PRKN: variants seen among roughly 807,000 people sequenced by gnomAD.
The protein encoded by PRKN is E3 ubiquitin-protein ligase parkin.
Under a neutral mutation model 59.5 loss-of-function variants are expected in PRKN, and 56 were observed. The ratio of observed to expected loss-of-function variants is 0.94; its 90% CI spans 0.76 to 1.18. The LOEUF (loss-of-function observed/expected upper bound fraction) is 1.18. PRKN is among the 50% of genes most tolerant of loss of function. The pLI is 0.00. For missense variants in PRKN, 657 were observed against 596.4 expected, an observed-to-expected ratio of 1.10 and a Z score of -1.06; for synonymous variants, 250 against 222.1, an observed-to-expected ratio of 1.13 and a Z score of -1.12.
rs948212452 is a variant in PRKN at position 161,538,997 on chromosome 6, T to G, written c.1083+9857A>C. Reference sequence around the variant, plus strand: ...GTGTGAAGAGTGAGGGCGTGCTGCTTCTTCATCATGCCATGAGGCTAACAT... The same window carrying G: ...GTGTGAAGAGTGAGGGCGTGCTGCTGCTTCATCATGCCATGAGGCTAACAT... On this transcript the variant is annotated intron_variant, in intron 9 of 11. Transcript: ENST00000366898. This position sits in a 1 kb window ranked among gnomAD's most constrained non-coding sequence, Gnocchi z 4.2. 6.6e-6 allele frequency among the ~76,000 whole-genome samples: 1 copy of G among 152,178 alleles called. No homozygotes were observed. Among genetic ancestry groups the G allele is most frequent in the Non-Finnish European group, 1.5e-5 (1 of 68,038 alleles).
At chr6:161,775,449 C>T (rs1789883018) in intron 7 of PRKN, among the ~76,000 whole-genome samples, 1 of 152,108 alleles carries the variant, frequency 6.6e-6, no homozygotes, top group African/African-American at 2.4e-5. Context: ...CCCTGTGTTG[C>T]ACCAGGCTAG....
chr6:161,571,956 C>T (rs561886304), intron 7 of PRKN, among the ~76,000 whole-genome samples: 2 of 152,324 alleles, frequency 1.3e-5, no homozygotes, highest in South Asian at 2.1e-4. Context: ...AAGACATACA[C>T]GACTCCCAAA....
intron 6 of PRKN, among the ~76,000 whole-genome samples, chr6:161,847,193 A>G (rs1330359061): frequency 6.6e-6 from 1 of 152,148 alleles, no homozygotes; most frequent in Non-Finnish European, 1.5e-5. Context: ...CTGTAGTCCC[A>G]GCTACTTGGG....
chr6:161,568,340 T>A (rs1042460662), intron 8 of PRKN, among the ~76,000 whole-genome samples: 1 of 152,198 alleles, frequency 6.6e-6, no homozygotes, highest in Non-Finnish European at 1.5e-5. Flanking sequence ...ACGCCTGTAA[T>A]CCCAGCACTT....
chr6:161,389,681 A>T (rs1461778923), intron 9 of PRKN, among the ~76,000 whole-genome samples: 1 of 152,212 alleles, frequency 6.6e-6, no homozygotes, highest in Non-Finnish European at 1.5e-5. Flanking sequence ...TTGTTGGAAA[A>T]ATGTGGACGG....
intron 7 of PRKN, among the ~76,000 whole-genome samples, chr6:161,596,475 C>A (rs1781917299): frequency 6.6e-6 from 1 of 152,124 alleles, no homozygotes; most frequent in South Asian, 2.1e-4. Flanking sequence ...CTTTTTCTGA[C>A]ATTGTTTTCC....
intron 8 of PRKN, among the ~76,000 whole-genome samples, chr6:161,563,261 T>G (rs1395870221): frequency 6.6e-6 from 1 of 152,186 alleles, no homozygotes; most frequent in East Asian, 1.9e-4. Context: ...TTTACTATTT[T>G]ATCCAACACT....
At chr6:161,660,930 C>T (rs556791915) in intron 7 of PRKN, among the ~76,000 whole-genome samples, 2 of 152,122 alleles carry the variant, frequency 1.3e-5, no homozygotes, top group East Asian at 1.9e-4. Context: ...CCCAGTCTTC[C>T]GTGACTCAGG....
chr6:161,785,936 C>T, intron 6 of PRKN, 28 bp from the exon 7 acceptor site: 1 of 1,612,948 alleles, frequency 6.2e-7, no homozygotes, highest in Non-Finnish European at 8.5e-7. Flanking sequence ...GATGTTTCCT[C>T]TAGTACCTGT....
intron 7 of PRKN, among the ~76,000 whole-genome samples, chr6:161,747,445 GAGAA>G (rs1156296037): frequency 1.3e-5 from 2 of 151,386 alleles, no homozygotes; most frequent in Non-Finnish European, 2.9e-5. Flanking sequence ...ACAAATTGCA[GAGAA>G]AGAGAGAGAG....
chr6:161,445,264 T>C lies in PRKN; in HGVS notation c.1084-58387A>G, dbSNP rs6904671. On this transcript the variant is annotated intron_variant, in intron 9 of 11. Transcript: ENST00000366898. This position sits in a 1 kb window ranked among gnomAD's most constrained non-coding sequence, Gnocchi z 7.7. Reference sequence around the variant, plus strand: ...GGCTGCCTGACCACAAAGACAGGACTGTAAAACATAGACCGCATGTGACCT... The same window carrying C: ...GGCTGCCTGACCACAAAGACAGGACCGTAAAACATAGACCGCATGTGACCT... 0.31 allele frequency among the ~76,000 whole-genome samples: 47,192 copies of C among 151,976 alleles called. 7,799 individuals are homozygous for C. The highest frequency in any genetic ancestry group is 0.35 in the Non-Finnish European group (24,009 of 67,950).
intron 1 of PRKN, among the ~76,000 whole-genome samples, chr6:162,590,770 AAAAAACAAAAC>A (rs370495993): frequency 2.1e-4 from 32 of 152,308 alleles, no homozygotes; most frequent in African/African-American, 6.0e-4. Context: ...TGAATTGGTG[AAAAAACAAAAC>A]AAAAACAAAA....
intron 2 of PRKN, among the ~76,000 whole-genome samples, chr6:162,434,511 G>C (rs1562762009): frequency 6.6e-6 from 1 of 150,474 alleles, no homozygotes; most frequent in African/African-American, 2.4e-5. Context: ...CCTAATATTT[G>C]AAAAAAAAAG....
At chr6:161,835,039 C>T (rs1057122718) in intron 6 of PRKN, among the ~76,000 whole-genome samples, 3 of 152,164 alleles carry the variant, frequency 2.0e-5, no homozygotes, top group Non-Finnish European at 4.4e-5. Flanking sequence ...GTGGCCAAGT[C>T]GCTCTCCAGG....
Position 161,458,075 on chromosome 6 carries a change from A to G in PRKN, c.1084-71198T>C, listed in dbSNP as rs2115152576. On this transcript the variant is annotated intron_variant, in intron 9 of 11. Coordinates refer to ENST00000366898, the MANE Select transcript of PRKN (RefSeq NM_004562.3). The surrounding 1 kb of genome is among the most constrained non-coding windows in gnomAD (Gnocchi z 6.1). ...TCCTAGCTGTTATGGGAATACTTAT[A>G]AGAAGAAAAAGAGAAATACAGCTCT... Among the ~76,000 whole-genome samples, 1 of 152,320 alleles carries G rather than the reference A, an allele frequency of 6.6e-6. No individual in the cohort carries two copies. The highest frequency in any genetic ancestry group is 6.5e-5 in the Admixed American group (1 of 15,296).
intron 6 of PRKN, among the ~76,000 whole-genome samples, chr6:161,793,311 C>G (rs777220017): frequency 6.6e-6 from 1 of 152,152 alleles, no homozygotes; most frequent in Non-Finnish European, 1.5e-5. Context: ...AGCTCACTAA[C>G]TACCCCTTCT....
intron 1 of PRKN, among the ~76,000 whole-genome samples, chr6:162,592,505 C>G (rs532877832): frequency 6.6e-6 from 1 of 152,224 alleles, no homozygotes; most frequent in South Asian, 2.1e-4. Context: ...AGCATTGTGC[C>G]GATCAGTATT....
intron 6 of PRKN, among the ~76,000 whole-genome samples, chr6:161,865,432 C>T (rs1480533879): frequency 2.0e-5 from 3 of 152,158 alleles, no homozygotes; most frequent in African/African-American, 4.8e-5. Context: ...AGCCAGGAAT[C>T]GATTTTTTTT....
At chr6:162,463,181 C>G (rs62430736) in intron 1 of PRKN, among the ~76,000 whole-genome samples, 13,186 of 152,122 alleles carry the variant, frequency 0.087, 900 homozygotes, top group East Asian at 0.33. Flanking sequence ...TCATTTAACT[C>G]TCCTTGTAGT....
Sources: gnomAD v4.1 joint callset for allele counts (sites outside exome capture counted in the v4.1 genomes callset) on GRCh38, gnomAD v4.1.1 for gene constraint, Gnocchi (gnomAD v3.1) non-coding constraint, MANE v1.5 for transcripts, NCBI Gene and HGNC (gene_info 2026-07-23, HGNC 2026-07-21) for gene names.